The following LINGO2 variants were observed in gnomAD, a reference collection of about 807,000 sequenced individuals.
LINGO2 encodes the protein leucine rich repeat and Ig domain containing 2.
In LINGO2, 14 loss-of-function variants were observed where a neutral mutation model predicts 30.6. The observed-to-expected ratio is 0.46, with a 90% CI of 0.30 to 0.72. The LOEUF (loss-of-function observed/expected upper bound fraction) is 0.72, where lower values mean the gene tolerates loss of function less well. Ranked by LOEUF, LINGO2 falls within the 30% of genes least tolerant of loss-of-function variation. The pLI is 0.07. For synonymous variants in LINGO2, 317 were observed against 288.5 expected (o/e 1.10, Z -1.00); for missense variants, 729 against 751.7 (o/e 0.97, Z 0.35).
At chr9:28,708,047 C>T in the LINGO2 span, among the ~76,000 whole-genome samples, 1 of 151,962 alleles carries the variant, frequency 6.6e-6, no homozygotes, top group Non-Finnish European at 1.5e-5. Flanking sequence ...TTTTTAACTT[C>T]CTCTATTTCA....
chr9:28,710,926 T>A, the LINGO2 span, among the ~76,000 whole-genome samples: 534 of 151,958 alleles, frequency 3.5e-3, 7 homozygotes, highest in African/African-American at 0.012. Context: ...GATGAGTGAA[T>A]ATGGTAATGG....
At chr9:28,178,065 C>T (rs1413878711) in intron 4 of LINGO2, among the ~76,000 whole-genome samples, 1 of 152,068 alleles carries the variant, frequency 6.6e-6, no homozygotes, top group Non-Finnish European at 1.5e-5. Context: ...TGCTAAAGTC[C>T]TAGGAGCTAT....
the LINGO2 span, among the ~76,000 whole-genome samples, chr9:28,742,383 G>C: frequency 1.3e-5 from 2 of 151,392 alleles, no homozygotes; most frequent in South Asian, 2.1e-4. Flanking sequence ...TGATGTGTCT[G>C]AGGAGGAATG....
the LINGO2 span, among the ~76,000 whole-genome samples, chr9:28,798,852 T>A: frequency 6.6e-6 from 1 of 151,906 alleles, no homozygotes; most frequent in Admixed American, 6.6e-5. Context: ...GTAAGCTAAA[T>A]AAGAAGAAAA....
At chr9:29,008,504 T>G in the LINGO2 span, among the ~76,000 whole-genome samples, 1 of 152,196 alleles carries the variant, frequency 6.6e-6, no homozygotes, top group Admixed American at 6.6e-5. Flanking sequence ...ATCACCACAC[T>G]GTCTTCCACA....
the LINGO2 span, among the ~76,000 whole-genome samples, chr9:29,003,595 G>A: frequency 0.025 from 3,786 of 152,082 alleles, 57 homozygotes; most frequent in Middle Eastern, 0.054. Context: ...GGTTGGAAAG[G>A]TGACTGTAGT....
chr9:28,587,236 G>T (rs1167949981), intron 1 of LINGO2, among the ~76,000 whole-genome samples: 3 of 152,004 alleles, frequency 2.0e-5, no homozygotes, highest in Non-Finnish European at 2.9e-5. Context: ...AGGCTGACAA[G>T]TTCTGCTGTG....
At chr9:28,540,125 A>C (rs1821611990) in intron 1 of LINGO2, among the ~76,000 whole-genome samples, 2 of 152,158 alleles carry the variant, frequency 1.3e-5, no homozygotes, top group African/African-American at 4.8e-5. Context: ...GACTGGAAAC[A>C]CAGGACTCGG....
At chr9:28,260,270 T>C (rs1822520279) in intron 4 of LINGO2, among the ~76,000 whole-genome samples, 1 of 151,744 alleles carries the variant, frequency 6.6e-6, no homozygotes, top group Non-Finnish European at 1.5e-5. Flanking sequence ...TGGGAAACTT[T>C]TAGGTTGAAC....
At chr9:29,044,975 C>T in the LINGO2 span, among the ~76,000 whole-genome samples, 1 of 152,064 alleles carries the variant, frequency 6.6e-6, no homozygotes, top group Admixed American at 6.6e-5. Context: ...CTCTCTCTTT[C>T]TTGTAAAATA....
At chr9:28,654,440 T>C (rs986078295) in intron 1 of LINGO2, among the ~76,000 whole-genome samples, 6 of 151,526 alleles carry the variant, frequency 4.0e-5, no homozygotes, top group African/African-American at 1.5e-4. Flanking sequence ...TTATTTTCAT[T>C]TTACCAGATA....
the LINGO2 span, among the ~76,000 whole-genome samples, chr9:28,889,810 A>T: frequency 6.6e-6 from 1 of 152,046 alleles, no homozygotes; most frequent in Non-Finnish European, 1.5e-5. Flanking sequence ...TCAGTTCTTG[A>T]CCAGGAAGGT....
intron 3 of LINGO2, among the ~76,000 whole-genome samples, chr9:28,354,437 T>C (rs538892481): frequency 6.6e-6 from 1 of 152,300 alleles, no homozygotes; most frequent in African/African-American, 2.4e-5. Context: ...ATCAATATGA[T>C]AGTATGTAAT....
chr9:28,938,251 T>A, the LINGO2 span, among the ~76,000 whole-genome samples: 1 of 152,236 alleles, frequency 6.6e-6, no homozygotes, highest in African/African-American at 2.4e-5. Context: ...ACTAAATTTA[T>A]GGGTTACCTC....
chr9:29,127,770 T>A, the LINGO2 span, among the ~76,000 whole-genome samples: 1 of 152,126 alleles, frequency 6.6e-6, no homozygotes, highest in Admixed American at 6.6e-5. Flanking sequence ...GACTCTTTTC[T>A]GTCTTTCCTG....
At chr9:28,234,111 G>GT (rs1014084029) in intron 4 of LINGO2, among the ~76,000 whole-genome samples, 5 of 152,114 alleles carry the variant, frequency 3.3e-5, no homozygotes, top group African/African-American at 1.2e-4. Context: ...CCACAGTGGG[G>GT]TAGAGCAACC....
chr9:28,891,598 T>C, the LINGO2 span, among the ~76,000 whole-genome samples: 1 of 152,042 alleles, frequency 6.6e-6, no homozygotes, highest in African/African-American at 2.4e-5. Flanking sequence ...TAGATGCTAT[T>C]TCTAGGGAAC....
chr9:28,908,598 A>G, the LINGO2 span, among the ~76,000 whole-genome samples: 1 of 151,900 alleles, frequency 6.6e-6, no homozygotes, highest in Admixed American at 6.6e-5. Flanking sequence ...CAATGATTCC[A>G]AGTTTATAGA....
the LINGO2 span, among the ~76,000 whole-genome samples, chr9:28,904,813 A>G: frequency 1.3e-5 from 2 of 152,036 alleles, no homozygotes; most frequent in African/African-American, 4.8e-5. Flanking sequence ...ATTCAATGAC[A>G]TTTTTCACAG....
Sources: gnomAD v4.1 joint callset for allele counts (sites outside exome capture counted in the v4.1 genomes callset) on GRCh38, gnomAD v4.1.1 for gene constraint, MANE v1.5 for transcripts, NCBI Gene and HGNC (gene_info 2026-07-23, HGNC 2026-07-21) for gene names.